PRKN: variants seen among roughly 807,000 people sequenced by gnomAD.
PRKN encodes the protein parkin RBR E3 ubiquitin protein ligase, also known as E3 ubiquitin-protein ligase parkin.
Under a neutral mutation model 59.5 loss-of-function variants are expected in PRKN, and 56 were observed. The observed-to-expected ratio is 0.94, with a 90% CI of 0.76 to 1.18. The LOEUF is 1.18. Among genes scored for constraint, PRKN ranks in the 50% most tolerant of loss-of-function variants. The pLI is 0.00. For synonymous variants in PRKN, 250 were observed against 222.1 expected, an observed-to-expected ratio of 1.13 and a Z score of -1.12; for missense variants, 657 against 596.4, an observed-to-expected ratio of 1.10 and a Z score of -1.06.
At chr6:162,079,738 GGAAACATA>G (rs1456699984) in intron 4 of PRKN, among the ~76,000 whole-genome samples, 4 of 152,058 alleles carry the variant, frequency 2.6e-5, no homozygotes, top group Admixed American at 2.6e-4. Context: ...ACACCTATAA[GGAAACATA>G]GAGTTATGCG....
At chr6:162,246,471 C>A (rs188634980) in intron 3 of PRKN, among the ~76,000 whole-genome samples, 51 of 152,110 alleles carry the variant, frequency 3.4e-4, no homozygotes, top group Non-Finnish European at 4.4e-5. Context: ...AATGGAATAC[C>A]GGCAAAATTC....
rs118071875 is a variant in PRKN, at chr6:162,578,082, C to G, written c.8-134609G>C. 1.8e-3 allele frequency among the ~76,000 whole-genome samples: 271 copies of G among 152,230 alleles called. 4 individuals are homozygous for G. In the East Asian group the frequency reaches 0.047, roughly 26 times the overall value. On this transcript the variant is annotated intron_variant, in intron 1 of 11. Transcript: ENST00000366898. ...GGGAACATAAAAACCCATTCAAAGGCTGATATATGGATATTCTCTCAACCA... is the reference window on the plus strand; with the variant it reads ...GGGAACATAAAAACCCATTCAAAGGGTGATATATGGATATTCTCTCAACCA...
chr6:162,123,204 TG>T (rs1344432406), intron 4 of PRKN, among the ~76,000 whole-genome samples: 1 of 152,052 alleles, frequency 6.6e-6, no homozygotes, highest in Non-Finnish European at 1.5e-5. Context: ...TGGCAGCTCA[TG>T]GTATTTCCAT....
At chr6:161,998,056 A>T (rs964111601) in intron 5 of PRKN, among the ~76,000 whole-genome samples, 5 of 152,296 alleles carry the variant, frequency 3.3e-5, no homozygotes, top group Non-Finnish European at 7.4e-5. Context: ...AAAATATATT[A>T]AAAAACATAA....
rs578236360 is a variant in PRKN at position 161,855,976 on chromosome 6, G to A, written c.735-70068C>T. Among the ~76,000 whole-genome samples, 28 of 152,316 alleles carry A rather than the reference G, an allele frequency of 1.8e-4. 2 individuals carry two copies. The South Asian group carries it at 5.8e-3, about 32-fold the overall frequency. On this transcript the variant is annotated intron_variant, in intron 6 of 11. Transcript: ENST00000366898. ...TAGTTCATCAGGTTAACAGACTAGA[G>A]GAGAAACTTTTCATGCTACTTAGAT...
intron 1 of PRKN, among the ~76,000 whole-genome samples, chr6:162,665,546 A>G (rs1446884174): frequency 6.6e-6 from 1 of 152,174 alleles, no homozygotes; most frequent in African/African-American, 2.4e-5. Context: ...ACACAAACAA[A>G]TGGAAAAATA....
In PRKN at chr6:161,547,658, A is replaced by C. The variant is rs1410414017; in HGVS notation, c.1083+1196T>G. 1.3e-5 allele frequency among the ~76,000 whole-genome samples: 2 copies of C among 152,222 alleles called. No homozygotes were observed. Among genetic ancestry groups the C allele is most frequent in the South Asian group, 2.1e-4 (1 of 4,826 alleles). ...ATTTTAAAAGACAACATTTGCTAGC[A>C]TTCTGATCCCAGAGGTTGGCAACCT... On this transcript the variant is annotated intron_variant, in intron 9 of 11. Transcript: ENST00000366898. The surrounding 1 kb of genome is among the most constrained non-coding windows in gnomAD (Gnocchi z 4.0).
intron 7 of PRKN, among the ~76,000 whole-genome samples, chr6:161,691,069 T>TCCATCCAA (rs1343503462): frequency 6.6e-6 from 1 of 151,416 alleles, no homozygotes; most frequent in Admixed American, 6.6e-5. Context: ...CATCCATCCA[T>TCCATCCAA]CCATCCACCC....
intron 7 of PRKN, chr6:161,783,753 G>A (rs1175982532): frequency 2.4e-5 from 11 of 450,124 alleles, no homozygotes; most frequent in African/African-American, 6.2e-5. Flanking sequence ...AACTTCACTA[G>A]ATTTTGGATG....
intron 6 of PRKN, among the ~76,000 whole-genome samples, chr6:161,806,595 G>A (rs985167841): frequency 2.0e-5 from 3 of 152,102 alleles, no homozygotes; most frequent in African/African-American, 2.4e-5. Flanking sequence ...GCTCTCCACC[G>A]AGCTCTGATT....
At chr6:162,415,974 T>G (rs1788612094) in intron 2 of PRKN, among the ~76,000 whole-genome samples, 1 of 152,186 alleles carries the variant, frequency 6.6e-6, no homozygotes, top group South Asian at 2.1e-4. Flanking sequence ...CTGAATTCTG[T>G]TGTTTAGTGC....
intron 4 of PRKN, among the ~76,000 whole-genome samples, chr6:162,104,657 G>A (rs935794962): frequency 6.6e-6 from 1 of 152,140 alleles, no homozygotes; most frequent in Non-Finnish European, 1.5e-5. Context: ...CGTGGACTCT[G>A]GGATTCAGCA....
intron 1 of PRKN, among the ~76,000 whole-genome samples, chr6:162,677,167 A>C (rs903886650): frequency 2.2e-4 from 33 of 152,020 alleles, no homozygotes; most frequent in African/African-American, 7.7e-4. Context: ...TTCTGATCAC[A>C]GGGCATAGGA....
At chr6:162,316,953 T>C (rs1222508245) in intron 2 of PRKN, among the ~76,000 whole-genome samples, 1 of 152,016 alleles carries the variant, frequency 6.6e-6, no homozygotes, top group Non-Finnish European at 1.5e-5. Context: ...TGCTCAAAAT[T>C]TCATTGCAGT....
intron 6 of PRKN, among the ~76,000 whole-genome samples, chr6:161,936,754 T>C (rs530062850): frequency 1.1e-3 from 164 of 151,602 alleles, no homozygotes; most frequent in Non-Finnish European, 1.8e-3. Context: ...TTTACAATCC[T>C]AATTTGGCTC....
At chr6:162,390,352 C>T (rs1437998559) in intron 2 of PRKN, among the ~76,000 whole-genome samples, 1 of 133,402 alleles carries the variant, frequency 7.5e-6, no homozygotes, top group Non-Finnish European at 1.6e-5. Flanking sequence ...AGGGGAATGC[C>T]ACATGGTGAT....
rs767321585 is a variant in PRKN, at chr6:161,353,874, G to A, written c.1286-3663C>T. 4.6e-5 allele frequency among the ~76,000 whole-genome samples: 7 copies of A among 152,112 alleles called. No homozygotes were observed. Among genetic ancestry groups the A allele is most frequent in the East Asian group, 1.9e-4 (1 of 5,174 alleles). On this transcript the variant is annotated intron_variant, in intron 11 of 11. Coordinates refer to ENST00000366898, the MANE Select transcript of PRKN (RefSeq NM_004562.3). This position sits in a 1 kb window ranked among gnomAD's most constrained non-coding sequence, Gnocchi z 4.8. ...GGGTTGAAGAGCAGGACACTCAGCC[G>A]GTGTCCACTGCAGAACTGATTGCTT...
chr6:162,536,372 C>G (rs746033360), intron 1 of PRKN, among the ~76,000 whole-genome samples: 1 of 152,140 alleles, frequency 6.6e-6, no homozygotes, highest in Non-Finnish European at 1.5e-5. Flanking sequence ...GTATTCTGCA[C>G]AGACCAATAT....
chr6:161,671,249 A>T (rs150035718), intron 7 of PRKN, among the ~76,000 whole-genome samples: 5,350 of 151,974 alleles, frequency 0.035, 142 homozygotes, highest in Middle Eastern at 0.054. Flanking sequence ...GCAGCAGTGC[A>T]CCTCCTTCTT....
Sources: allele counts gnomAD v4.1 joint callset (sites outside exome capture counted in the v4.1 genomes callset), GRCh38; gene constraint gnomAD v4.1.1; non-coding constraint Gnocchi (gnomAD v3.1); transcripts MANE v1.5; gene names NCBI Gene and HGNC (gene_info 2026-07-23, HGNC 2026-07-21).